RANBP2: variants seen among roughly 807,000 people sequenced by gnomAD.
The protein encoded by RANBP2 is RAN binding protein 2, also known as E3 SUMO-protein ligase RanBP2.
Under a neutral mutation model 303.6 loss-of-function variants are expected in RANBP2, and 57 were observed. That is an observed-to-expected ratio of 0.19 (90% confidence interval 0.15 to 0.23). The LOEUF (loss-of-function observed/expected upper bound fraction) is 0.23, where lower values mean the gene tolerates loss of function less well. Ranked by LOEUF, RANBP2 falls within the 10% of genes least tolerant of loss-of-function variation. The pLI is 1.00. For missense variants in RANBP2, 3,138 were observed against 3,780.8 expected (o/e 0.83, Z 4.46); for synonymous variants, 1,167 against 1,301.5 (o/e 0.90, Z 2.23).
At chr2:109,346,731 T>G in the RANBP2 span, among the ~76,000 whole-genome samples, 1 of 152,144 alleles carries the variant, frequency 6.6e-6, no homozygotes, top group Non-Finnish European at 1.5e-5. Context: ...AGAAGCAGCT[T>G]AGAATCTTGT....
the RANBP2 span, among the ~76,000 whole-genome samples, chr2:109,183,984 A>G: frequency 6.6e-6 from 1 of 152,206 alleles, no homozygotes; most frequent in African/African-American, 2.4e-5. Context: ...TCTTCTGTAG[A>G]ATGGAGCCCT....
the RANBP2 span, among the ~76,000 whole-genome samples, chr2:108,954,176 T>C: frequency 6.6e-6 from 1 of 152,158 alleles, no homozygotes; most frequent in African/African-American, 2.4e-5. Flanking sequence ...GCAACCTAGA[T>C]AGCATAGATG....
chr2:109,732,982 T>C, the RANBP2 span: 2 of 599,924 alleles, frequency 3.3e-6, no homozygotes, highest in African/African-American at 3.7e-5. Context: ...CACCTCCCTC[T>C]TGGGGTCATC....
chr2:109,078,216 T>G, the RANBP2 span, among the ~76,000 whole-genome samples: 1 of 91,004 alleles, frequency 1.1e-5, no homozygotes, highest in Non-Finnish European at 2.4e-5. Flanking sequence ...ATAGCGTATA[T>G]ATATATAGCG....
the RANBP2 span, among the ~76,000 whole-genome samples, chr2:109,319,760 G>T: frequency 6.6e-6 from 1 of 152,236 alleles, no homozygotes; most frequent in Non-Finnish European, 1.5e-5. Flanking sequence ...TCCAGGCCGT[G>T]TGTGGCTGTT....
the RANBP2 span, among the ~76,000 whole-genome samples, chr2:109,209,652 G>T: frequency 6.6e-6 from 1 of 152,108 alleles, no homozygotes; most frequent in Non-Finnish European, 1.5e-5. Flanking sequence ...TGAATCAGTC[G>T]ACTGCTCCTC....
the RANBP2 span, among the ~76,000 whole-genome samples, chr2:108,901,468 A>C: frequency 6.6e-6 from 1 of 152,222 alleles, no homozygotes; most frequent in Non-Finnish European, 1.5e-5. Flanking sequence ...TAAGTAATTT[A>C]GAAATAAGAG....
intron 1 of RANBP2, among the ~76,000 whole-genome samples, chr2:108,721,027 C>T (rs1433344413): frequency 1.3e-5 from 2 of 151,868 alleles, no homozygotes; most frequent in South Asian, 2.1e-4. Flanking sequence ...CCAGCCTGGG[C>T]GACAGAGGGA....
the RANBP2 span, among the ~76,000 whole-genome samples, chr2:109,142,920 TGTC>T: frequency 1.3e-5 from 2 of 152,160 alleles, no homozygotes; most frequent in Non-Finnish European, 2.9e-5. Flanking sequence ...AGGTGACAAT[TGTC>T]GTGCTGACAG....
chr2:109,239,717 A>T, the RANBP2 span, among the ~76,000 whole-genome samples: 1 of 152,166 alleles, frequency 6.6e-6, no homozygotes, highest in Non-Finnish European at 1.5e-5. Flanking sequence ...TGCTCTGCCA[A>T]GTGCTCCAGC....
At chr2:109,447,237 G>A in the RANBP2 span, among the ~76,000 whole-genome samples, 8 of 149,388 alleles carry the variant, frequency 5.4e-5, no homozygotes, top group South Asian at 2.1e-4. Flanking sequence ...ATTTCACCTC[G>A]TAGAAACAGC....
chr2:109,600,481 C>A, the RANBP2 span, among the ~76,000 whole-genome samples: 17 of 151,720 alleles, frequency 1.1e-4, 1 homozygote, highest in African/African-American at 3.6e-4. Flanking sequence ...TACTGCCAAA[C>A]TGCCCCTCAA....
chr2:109,521,486 C>T, the RANBP2 span, among the ~76,000 whole-genome samples: 472 of 152,296 alleles, frequency 3.1e-3, 19 homozygotes, highest in East Asian at 0.082. Flanking sequence ...AAACCCACAC[C>T]CCTGGAAGTG....
chr2:109,514,574 C>T, the RANBP2 span, among the ~76,000 whole-genome samples: 2 of 152,138 alleles, frequency 1.3e-5, no homozygotes, highest in African/African-American at 4.8e-5. Context: ...GGACCAGGGC[C>T]GTCCCTAGAG....
At chr2:109,355,850 A>G in the RANBP2 span, among the ~76,000 whole-genome samples, 1 of 152,240 alleles carries the variant, frequency 6.6e-6, no homozygotes, top group South Asian at 2.1e-4. Context: ...TCTGTGAAGC[A>G]GCTATTTCCT....
the RANBP2 span, among the ~76,000 whole-genome samples, chr2:109,242,762 A>G: frequency 0.019 from 2,905 of 152,240 alleles, 97 homozygotes; most frequent in African/African-American, 0.065. Context: ...TTCTTTCCCC[A>G]GTGACGTCCT....
chr2:109,691,288 A>G, the RANBP2 span, among the ~76,000 whole-genome samples: 1 of 152,192 alleles, frequency 6.6e-6, no homozygotes, highest in Non-Finnish European at 1.5e-5. Context: ...TTTTTAGTGG[A>G]TACCACATTA....
At chr2:108,779,031 T>C (rs1225088572) in intron 25 of RANBP2, among the ~76,000 whole-genome samples, 1 of 152,192 alleles carries the variant, frequency 6.6e-6, no homozygotes, top group Non-Finnish European at 1.5e-5. Flanking sequence ...CACCTGGCCC[T>C]GAACAGTTAT....
Position 108,782,695 on chromosome 2 carries a change from T to C in RANBP2, c.9202T>C (p.Phe3068Leu). 1.2e-6 allele frequency: 2 copies of C among 1,614,204 alleles called. No individual in the cohort carries two copies. The highest frequency in any genetic ancestry group is 2.2e-5 in the East Asian group (1 of 44,878). ...LSKETNPVVF[F>L]DVCADGEPLG... ...AAAGGAGACCAATCCTGTGGTGTTTTTTGATGTTTGTGCGGACGGTGAACC... is the reference window on the plus strand; with the variant it reads ...AAAGGAGACCAATCCTGTGGTGTTTCTTGATGTTTGTGCGGACGGTGAACC... Residue 3068 changes from phenylalanine to leucine, a missense_variant, in exon 28 of 29, where the codon TTT becomes CTT. Physicochemically the swap from Phe to Leu is conservative, Grantham distance 22. This residue lies in a region of RANBP2 where 204 missense variants were observed against 228.4 expected (regional missense o/e 0.89). Coordinates refer to ENST00000283195, the MANE Select transcript of RANBP2 (RefSeq NM_006267.5).
Sources: gnomAD v4.1 joint callset for allele counts (sites outside exome capture counted in the v4.1 genomes callset) on GRCh38, gnomAD v4.1.1 for gene constraint, gnomAD v4.1.1 regional missense constraint, MANE v1.5 for transcripts, NCBI Gene and HGNC (gene_info 2026-07-23, HGNC 2026-07-21) for gene names.